LARGE1: variants seen among roughly 807,000 people sequenced by gnomAD.
LARGE1 encodes the protein xylosyl- and glucuronyltransferase LARGE1.
Under a neutral mutation model 87.6 loss-of-function variants are expected in LARGE1, and 43 were observed. That is an observed-to-expected ratio of 0.49 (90% CI 0.38 to 0.63). LARGE1 has a LOEUF of 0.63. Ranked by LOEUF, LARGE1 falls within the 30% of genes least tolerant of loss-of-function variation. LARGE1 has a pLI of 0.00. For missense variants in LARGE1, 802 were observed against 1,000.2 expected (o/e 0.80, Z 2.67); for synonymous variants, 434 against 394.6 (o/e 1.10, Z -1.18).
intron 1 of LARGE1, among the ~76,000 whole-genome samples, chr22:33,765,707 CA>C (rs33943950): frequency 0.017 from 1,205 of 69,850 alleles, 17 homozygotes; most frequent in African/African-American, 0.061. Flanking sequence ...CTCCATCTCA[CA>C]AAAAAAAAAA....
chr22:33,849,700 G>A (rs1306810255), intron 1 of LARGE1, among the ~76,000 whole-genome samples: 1 of 139,570 alleles, frequency 7.2e-6, no homozygotes, highest in Non-Finnish European at 1.5e-5. Flanking sequence ...CCAGGTTCAA[G>A]CAATTCTCCT....
At chr22:33,554,759 C>A (rs2077627243) in intron 6 of LARGE1, among the ~76,000 whole-genome samples, 1 of 152,210 alleles carries the variant, frequency 6.6e-6, no homozygotes, top group Non-Finnish European at 1.5e-5. Flanking sequence ...CTTTCAATGA[C>A]CTTTGGAGAA....
intron 5 of LARGE1, among the ~76,000 whole-genome samples, chr22:33,590,079 T>C (rs1187652971): frequency 6.6e-6 from 1 of 152,212 alleles, no homozygotes; most frequent in Non-Finnish European, 1.5e-5. Context: ...AGATGATTCA[T>C]CTTTCTTTTC....
the LARGE1 span, among the ~76,000 whole-genome samples, chr22:33,132,324 C>T: frequency 1.8e-3 from 266 of 151,910 alleles, no homozygotes; most frequent in African/African-American, 6.3e-3. Context: ...GCTGGGGCTA[C>T]AGGCGTGCAC....
chr22:33,337,967 C>T (rs944444990), intron 9 of LARGE1, among the ~76,000 whole-genome samples, 166 bp from the exon 10 acceptor site: 3 of 152,162 alleles, frequency 2.0e-5, no homozygotes, highest in Non-Finnish European at 4.4e-5. Flanking sequence ...GCTCGGGGGC[C>T]AGGTCACCTG....
intron 1 of LARGE1, among the ~76,000 whole-genome samples, chr22:33,851,892 G>A (rs2063592954): frequency 6.6e-6 from 1 of 152,224 alleles, no homozygotes; most frequent in South Asian, 2.1e-4. Flanking sequence ...TGTGAGCTGA[G>A]ACTGGGGAAT....
chr22:33,374,347 C>T (rs1318925729), intron 9 of LARGE1, among the ~76,000 whole-genome samples: 1 of 152,154 alleles, frequency 6.6e-6, no homozygotes, highest in Admixed American at 6.5e-5. Flanking sequence ...GCCTAAGAAA[C>T]AAACATTTTA....
intron 1 of LARGE1, among the ~76,000 whole-genome samples, chr22:33,772,579 C>A (rs868639015): frequency 4.6e-5 from 7 of 152,178 alleles, no homozygotes; most frequent in Middle Eastern, 3.4e-3. Flanking sequence ...TCCCTCTAGA[C>A]TGGATCTTGA....
rs1012773423 is a variant in LARGE1, at chr22:33,812,881, T to C, written c.-82-51323A>G. On this transcript the variant is annotated intron_variant, in intron 1 of 14. Coordinates refer to ENST00000397394, the MANE Select transcript of LARGE1 (RefSeq NM_133642.5). ...AACTGTCTGTCCTTCAAGAAGTCCA[T>C]AGCCTCCTCAAGGAGACAAAGATAT... Among the ~76,000 whole-genome samples the C allele has an allele frequency of 5.3e-5, 8 of 152,332 alleles. No individual in the cohort carries two copies. In the South Asian group the frequency reaches 6.2e-4, roughly 12 times the overall value.
intron 11 of LARGE1, among the ~76,000 whole-genome samples, chr22:33,236,207 T>C (rs1395659480): frequency 6.6e-6 from 1 of 152,154 alleles, no homozygotes; most frequent in African/African-American, 2.4e-5. Flanking sequence ...CAAATTTCCA[T>C]TGTTTTGAGC....
At chr22:33,481,218 G>GAT (rs2069308627) in intron 6 of LARGE1, among the ~76,000 whole-genome samples, 2 of 133,268 alleles carry the variant, frequency 1.5e-5, no homozygotes, top group Non-Finnish European at 3.2e-5. Flanking sequence ...TGGCACTATA[G>GAT]ATACACACAC....
At chr22:33,650,283 CTG>C in intron 3 of LARGE1, 82 bp downstream of exon 3, 3 of 1,522,856 alleles carry the variant, frequency 2.0e-6, no homozygotes, top group Admixed American at 1.7e-5. Flanking sequence ...TGGCATCTGG[CTG>C]TGTTTCCAGG....
At chr22:33,368,630 C>G (rs1177059920) in intron 9 of LARGE1, among the ~76,000 whole-genome samples, 2 of 150,376 alleles carry the variant, frequency 1.3e-5, no homozygotes, top group African/African-American at 2.4e-5. Flanking sequence ...CTAATGAGCT[C>G]TGTGTGTGTG....
At chr22:33,582,469 A>C (rs2078549227) in intron 5 of LARGE1, among the ~76,000 whole-genome samples, 1 of 152,226 alleles carries the variant, frequency 6.6e-6, no homozygotes, top group South Asian at 2.1e-4. Context: ...CAACTCTTTA[A>C]CCACTACATA....
chr22:33,679,634 G>A (rs1203396898), intron 2 of LARGE1, among the ~76,000 whole-genome samples: 1 of 152,128 alleles, frequency 6.6e-6, no homozygotes, highest in Non-Finnish European at 1.5e-5. Flanking sequence ...ATGAGGTCAG[G>A]AGTTCGAGAC....
intron 3 of LARGE1, among the ~76,000 whole-genome samples, chr22:33,626,919 G>A (rs1197292652): frequency 1.3e-5 from 2 of 152,208 alleles, no homozygotes; most frequent in Non-Finnish European, 2.9e-5. Context: ...ATGAATCCCT[G>A]AACTCAGGGT....
At chr22:33,692,477 A>C (rs938731439) in intron 2 of LARGE1, among the ~76,000 whole-genome samples, 1 of 152,086 alleles carries the variant, frequency 6.6e-6, no homozygotes, top group Admixed American at 6.5e-5. Context: ...CAAATGGCTA[A>C]TTTTTGTAGT....
intron 4 of LARGE1, among the ~76,000 whole-genome samples, chr22:33,616,414 T>G (rs1397370891): frequency 2.0e-5 from 3 of 151,896 alleles, no homozygotes; most frequent in Non-Finnish European, 4.4e-5. Context: ...CACCTGTAAT[T>G]CCAGCTACTT....
At chr22:33,721,719 C>T (rs542153992) in intron 2 of LARGE1, among the ~76,000 whole-genome samples, 3 of 152,202 alleles carry the variant, frequency 2.0e-5, no homozygotes, top group East Asian at 1.9e-4. Context: ...TTAAAGGTAT[C>T]GTAGAAAAAC....
Sources: gnomAD v4.1 joint callset for allele counts (sites outside exome capture counted in the v4.1 genomes callset) on GRCh38, gnomAD v4.1.1 for gene constraint, MANE v1.5 for transcripts, NCBI Gene and HGNC (gene_info 2026-07-23, HGNC 2026-07-21) for gene names.